Variants in HPSE2 observed in about 807,000 individuals in gnomAD.
HPSE2 encodes inactive heparanase-2.
Under a neutral mutation model 60.5 loss-of-function variants are expected in HPSE2, and 38 were observed. That is an observed-to-expected ratio of 0.63 (90% CI 0.48 to 0.82). The LOEUF (loss-of-function observed/expected upper bound fraction) is 0.82. Ranked by LOEUF, HPSE2 falls within the 40% of genes least tolerant of loss-of-function variation. The probability of loss-of-function intolerance (pLI) is 0.00; values close to 1 mark genes in which losing one functional copy is unlikely to be tolerated. For synonymous variants in HPSE2, 295 were observed against 293.2 expected, an observed-to-expected ratio of 1.01 and a Z score of -0.06; for missense variants, 713 against 740.4, an observed-to-expected ratio of 0.96 and a Z score of 0.43.
chr10:98,523,589 T>C (rs1942868645), intron 9 of HPSE2, among the ~76,000 whole-genome samples: 1 of 152,218 alleles, frequency 6.6e-6, no homozygotes, highest in Non-Finnish European at 1.5e-5. Flanking sequence ...CATTTACAAA[T>C]GCATAATGAC....
At chr10:99,014,771 C>T (rs1198102956) in intron 3 of HPSE2, among the ~76,000 whole-genome samples, 1 of 152,044 alleles carries the variant, frequency 6.6e-6, no homozygotes, top group Non-Finnish European at 1.5e-5. Context: ...GCAAGGACTT[C>T]ATGTCTAAAA....
chr10:99,005,768 A>G (rs1454025662), intron 3 of HPSE2, among the ~76,000 whole-genome samples: 4 of 152,162 alleles, frequency 2.6e-5, no homozygotes, highest in Admixed American at 2.6e-4. Flanking sequence ...CATGGAAAGA[A>G]GTTGGAATTC....
At chr10:98,854,566 C>G (rs1952261852) in intron 3 of HPSE2, among the ~76,000 whole-genome samples, 1 of 152,032 alleles carries the variant, frequency 6.6e-6, no homozygotes, top group Admixed American at 6.6e-5. Context: ...CATGGATGTA[C>G]CTACTGCTAC....
At chr10:99,216,827 T>C (rs893555267) in intron 2 of HPSE2, among the ~76,000 whole-genome samples, 4 of 152,136 alleles carry the variant, frequency 2.6e-5, no homozygotes, top group African/African-American at 9.7e-5. Context: ...TTCTCATCTA[T>C]CTGAACTCCT....
At chr10:99,102,467 C>T (rs370963166) in intron 3 of HPSE2, among the ~76,000 whole-genome samples, 1 of 151,996 alleles carries the variant, frequency 6.6e-6, no homozygotes, top group African/African-American at 2.4e-5. Context: ...CAATAACAGG[C>T]TCTGAAATTG....
At chr10:98,724,449 G>T (rs1192124801) in intron 4 of HPSE2, among the ~76,000 whole-genome samples, 1 of 152,166 alleles carries the variant, frequency 6.6e-6, no homozygotes, top group Non-Finnish European at 1.5e-5. Flanking sequence ...CTGTTGATTT[G>T]GGGTGCAGAG....
At chr10:98,614,508 G>A (rs1278704180) in intron 9 of HPSE2, among the ~76,000 whole-genome samples, 2 of 151,928 alleles carry the variant, frequency 1.3e-5, no homozygotes, top group Non-Finnish European at 2.9e-5. Context: ...TAGCCAGGAT[G>A]GGCTCGATCT....
Position 98,641,781 on chromosome 10 carries a change from T to A in HPSE2, c.1098+66A>T, listed in dbSNP as rs926902318. On this transcript the variant is annotated intron_variant, in intron 7 of 11. Transcript: ENST00000370552. The stretch of plus-strand genomic sequence containing the variant: ...CACAGTGCTGATGCCCAGCTGGGAC[T>A]TTGTGTCTTTTTCCTTGTCTTACCC... 3.3e-6 allele frequency: 4 copies of A among 1,217,662 alleles called. No homozygotes were observed. The African/African-American group carries it at 6.0e-5, about 18-fold the overall frequency. The allele number at this position is 1,217,662 out of a possible 1,614,324, so 75.4% of individuals were successfully genotyped here. A position where few individuals can be genotyped will look rare whatever the true frequency, so the allele number is the denominator to read the frequency against.
chr10:98,685,318 T>C (rs995861907), intron 6 of HPSE2, among the ~76,000 whole-genome samples: 4 of 152,200 alleles, frequency 2.6e-5, no homozygotes, highest in Non-Finnish European at 5.9e-5. Flanking sequence ...GCATATCATT[T>C]GATAAATTTT....
intron 10 of HPSE2, among the ~76,000 whole-genome samples, chr10:98,489,009 G>C (rs1328005457): frequency 6.6e-6 from 1 of 152,172 alleles, no homozygotes; most frequent in Non-Finnish European, 1.5e-5. Context: ...AGGAGCATCT[G>C]TTGTAACCTG....
intron 3 of HPSE2, among the ~76,000 whole-genome samples, chr10:99,056,783 A>T (rs932241592): frequency 3.9e-5 from 6 of 152,198 alleles, no homozygotes; most frequent in African/African-American, 1.4e-4. Context: ...TAAAATTTTG[A>T]TAAACTGGAT....
intron 9 of HPSE2, among the ~76,000 whole-genome samples, chr10:98,605,866 C>T (rs557054168): frequency 4.3e-4 from 65 of 152,148 alleles, no homozygotes; most frequent in Non-Finnish European, 7.4e-4. Context: ...CGTCTTTCCC[C>T]CACTGCAGCC....
intron 3 of HPSE2, among the ~76,000 whole-genome samples, chr10:98,842,812 G>A (rs1021711525): frequency 6.6e-6 from 1 of 152,038 alleles, no homozygotes; most frequent in Admixed American, 6.6e-5. Context: ...ATCTAATATA[G>A]AATATTTCCT....
chr10:98,907,551 G>A (rs1045743892), intron 3 of HPSE2, among the ~76,000 whole-genome samples: 1 of 152,116 alleles, frequency 6.6e-6, no homozygotes, highest in South Asian at 2.1e-4. Flanking sequence ...TTCTGACAAG[G>A]CATGGTCTAA....
At chr10:99,231,217 A>G (rs549512532) in intron 2 of HPSE2, among the ~76,000 whole-genome samples, 5 of 152,212 alleles carry the variant, frequency 3.3e-5, no homozygotes, top group South Asian at 4.1e-4. Context: ...GTACTTTTCA[A>G]TGAAGGCCCA....
the HPSE2 span, among the ~76,000 whole-genome samples, chr10:99,266,574 A>C: frequency 6.6e-6 from 1 of 152,060 alleles, no homozygotes. Context: ...CTTGTAGCTG[A>C]AGACAAAGGA....
chr10:98,956,856 A>G (rs1955522300), intron 3 of HPSE2, among the ~76,000 whole-genome samples: 1 of 152,170 alleles, frequency 6.6e-6, no homozygotes, highest in Non-Finnish European at 1.5e-5. Context: ...AACGATGAAA[A>G]GGTAGCCATG....
the HPSE2 span, among the ~76,000 whole-genome samples, chr10:99,262,960 C>T: frequency 0.027 from 4,185 of 152,284 alleles, 191 homozygotes; most frequent in African/African-American, 0.095. Flanking sequence ...TTGTTACACA[C>T]AGCCGAAGTG....
chr10:98,482,762 G>A lies in HPSE2; in HGVS notation c.1487C>T (p.Ser496Phe). Residue 496 changes from serine (S) to phenylalanine (F), a missense_variant, in exon 11 of 12, where the codon TCC (serine) becomes TTC (phenylalanine). Transcript: ENST00000370552. ...NHHNHNYVRG[S>F]ITLFIINLHR... ...CAAGTTGATGATAAAAAGTGTAATG[G>A]ACCCACGAACGTAGTTGTGGCTGAG... 1 of 1,614,164 alleles carries A rather than the reference G, an allele frequency of 6.2e-7. No homozygotes were observed. Among genetic ancestry groups the A allele is most frequent in the South Asian group, 1.1e-5 (1 of 91,074 alleles).
Sources: gnomAD v4.1 joint callset for allele counts (sites outside exome capture counted in the v4.1 genomes callset) on GRCh38, gnomAD v4.1.1 for gene constraint, MANE v1.5 for transcripts, NCBI Gene and HGNC (gene_info 2026-07-23, HGNC 2026-07-21) for gene names.